The following COL24A1 variants were observed in gnomAD, a reference collection of about 807,000 sequenced individuals.
COL24A1 encodes collagen alpha-1(XXIV) chain.
COL24A1 carries 224 observed loss-of-function variants against 253.9 expected under a neutral mutation model. The observed-to-expected ratio is 0.88, with a 90% CI of 0.79 to 0.99. The LOEUF is 0.99. COL24A1 is among the 50% of genes least tolerant of loss of function. The probability of loss-of-function intolerance (pLI) is 0.00; values close to 1 mark genes in which losing one functional copy is unlikely to be tolerated. For missense variants in COL24A1, 2,131 were observed against 2,068.5 expected (o/e 1.03, Z -0.59); for synonymous variants, 685 against 673.7 (o/e 1.02, Z -0.26).
At chr1:86,045,980 T>C in intron 12 of COL24A1, 1 of 318,846 alleles carries the variant, frequency 3.1e-6, no homozygotes, top group Non-Finnish European at 6.2e-6. Flanking sequence ...ATTTTACCAC[T>C]TTTAACTATC....
chr1:85,933,240 A>C (rs1442274467), intron 24 of COL24A1, among the ~76,000 whole-genome samples: 2 of 152,162 alleles, frequency 1.3e-5, no homozygotes. Flanking sequence ...TTGCAAAATT[A>C]CTCTATTCAG....
At chr1:85,847,581 A>C in intron 39 of COL24A1, 84 bp downstream of exon 39, 1 of 913,284 alleles carries the variant, frequency 1.1e-6, no homozygotes, top group Non-Finnish European at 1.8e-6. Context: ...TGTAAAGCTA[A>C]TCAAGGGATG....
intron 37 of COL24A1, among the ~76,000 whole-genome samples, chr1:85,864,180 G>A (rs889626087): frequency 2.0e-5 from 3 of 152,158 alleles, no homozygotes; most frequent in Admixed American, 6.6e-5. Flanking sequence ...ACTGGATTAA[G>A]AAAATGTGGC....
At chr1:85,833,467 C>T (rs577073250) in intron 43 of COL24A1, among the ~76,000 whole-genome samples, 4 of 152,268 alleles carry the variant, frequency 2.6e-5, no homozygotes, top group African/African-American at 7.2e-5. Context: ...CAGGAAACAA[C>T]AGGTGCTGGA....
chr1:85,778,023 C>CTCTA (rs71075864), intron 52 of COL24A1, among the ~76,000 whole-genome samples: 36,225 of 149,004 alleles, frequency 0.24, 4,405 homozygotes, highest in Admixed American at 0.26. Context: ...ATGTCTCTAT[C>CTCTA]TCTATCTATC....
At chr1:85,916,829 T>C (rs574459260) in intron 24 of COL24A1, among the ~76,000 whole-genome samples, 2 of 152,280 alleles carry the variant, frequency 1.3e-5, no homozygotes, top group African/African-American at 4.8e-5. Context: ...TACAATCACT[T>C]TGGAGAACAA....
chr1:85,911,306 A>T, intron 25 of COL24A1, 74 bp downstream of exon 25: 4 of 1,123,762 alleles, frequency 3.6e-6, no homozygotes, highest in Non-Finnish European at 5.4e-6. Context: ...AACATAAAAG[A>T]TCATATGAAA....
intron 32 of COL24A1, among the ~76,000 whole-genome samples, chr1:85,878,619 A>G (rs969557144): frequency 6.9e-4 from 105 of 152,328 alleles, no homozygotes; most frequent in African/African-American, 2.4e-3. Flanking sequence ...TCACTGGATC[A>G]TATGTTAAGA....
In COL24A1 at chr1:85,987,352, C is replaced by T. The variant is rs565670995; in HGVS notation, c.2364+249G>A. On this transcript the variant is annotated intron_variant, in intron 20 of 59. Transcript: ENST00000370571. Reference sequence around the variant, plus strand: ...ACGCTATGACTTTTTAGAGTTTTTTCTCCTCATCTCTTCCAAAAAAATCCT... The same window carrying T: ...ACGCTATGACTTTTTAGAGTTTTTTTTCCTCATCTCTTCCAAAAAAATCCT... 4.0e-5 allele frequency among the ~76,000 whole-genome samples: 6 copies of T among 151,740 alleles called. No homozygotes were observed. In the East Asian group the frequency reaches 1.2e-3, roughly 29 times the overall value.
chr1:85,736,646 A>T (rs1664091505), intron 58 of COL24A1: 2 of 359,094 alleles, frequency 5.6e-6, no homozygotes, highest in Admixed American at 3.5e-5. Context: ...GCAGCTAAAG[A>T]GATTGAATTT....
chr1:85,811,210 T>C (rs183544713), intron 47 of COL24A1, among the ~76,000 whole-genome samples: 4 of 152,336 alleles, frequency 2.6e-5, no homozygotes, highest in Admixed American at 6.5e-5. Context: ...ACATTTTGTT[T>C]ATTCATTCAA....
At chr1:86,118,099 G>C (rs576060553) in intron 3 of COL24A1, among the ~76,000 whole-genome samples, 1 of 148,052 alleles carries the variant, frequency 6.8e-6, no homozygotes, top group East Asian at 2.0e-4. Context: ...GTCTCACTCT[G>C]TCACCTAGGC....
chr1:86,050,070 A>T, intron 11 of COL24A1, 54 bp downstream of exon 11: 3 of 1,491,356 alleles, frequency 2.0e-6, no homozygotes, highest in Non-Finnish European at 2.8e-6. Flanking sequence ...CCCCCATTGT[A>T]CATTATCACA....
chr1:85,984,918 G>T (rs1357657026), intron 20 of COL24A1, among the ~76,000 whole-genome samples: 1 of 151,764 alleles, frequency 6.6e-6, no homozygotes, highest in African/African-American at 2.4e-5. Context: ...CTGTTAATCA[G>T]TTACCAAGTT....
At position 86,125,430 on chromosome 1, in the gene COL24A1, A is replaced by C. The variant is rs1648114755; in HGVS notation, c.906T>G (p.Tyr302Ter). ...TTGATATCTGGTGTTCTTGTCTTTTATACACGGTTTCAGAATCATTTTTTA... is the reference window on the plus strand; with the variant it reads ...TTGATATCTGGTGTTCTTGTCTTTTCTACACGGTTTCAGAATCATTTTTTA... ...NIIKNDSETVYKRQEHQISRS... is the reference protein window; with the variant it reads ...NIIKNDSETV The change falls in exon 3 of 60, where the codon TAT becomes TAG. Residue 302 changes from tyrosine to a stop codon, truncating the protein, a stop_gained. Transcript: ENST00000370571. LOFTEE classifies it high-confidence loss of function. 1 of 1,613,592 alleles carries C rather than the reference A, an allele frequency of 6.2e-7. No homozygotes were observed. Among genetic ancestry groups the C allele is most frequent in the African/African-American group, 1.3e-5 (1 of 74,984 alleles).
At chr1:85,838,364 G>C (rs1488842693) in intron 43 of COL24A1, among the ~76,000 whole-genome samples, 1 of 152,160 alleles carries the variant, frequency 6.6e-6, no homozygotes, top group Non-Finnish European at 1.5e-5. Context: ...GGCCTCTCAG[G>C]AGGTAACATT....
intron 7 of COL24A1, among the ~76,000 whole-genome samples, chr1:86,075,735 C>G (rs1702201750): frequency 6.6e-6 from 1 of 152,188 alleles, no homozygotes; most frequent in African/African-American, 2.4e-5. Context: ...AAGACTGGTT[C>G]AACATACACA....
chr1:85,821,793 T>C (rs1673650289), intron 45 of COL24A1, among the ~76,000 whole-genome samples: 1 of 152,198 alleles, frequency 6.6e-6, no homozygotes, highest in African/African-American at 2.4e-5. Context: ...GGCAGTTGAC[T>C]AGTAAAAGTA....
chr1:85,895,649 T>C (rs1683599129), intron 31 of COL24A1, among the ~76,000 whole-genome samples: 1 of 152,146 alleles, frequency 6.6e-6, no homozygotes, highest in Non-Finnish European at 1.5e-5. Flanking sequence ...TCCAACATAT[T>C]GAATACTAAA....
Sources: gnomAD v4.1 joint callset for allele counts (sites outside exome capture counted in the v4.1 genomes callset) on GRCh38, gnomAD v4.1.1 for gene constraint, MANE v1.5 for transcripts, NCBI Gene and HGNC (gene_info 2026-07-23, HGNC 2026-07-21) for gene names.